The following FRY variants were observed in gnomAD, a reference collection of about 807,000 sequenced individuals.
FRY encodes protein furry homolog.
A neutral mutation model predicts 348.4 loss-of-function variants in FRY; 128 were observed. The ratio of observed to expected loss-of-function variants is 0.37; its 90% CI spans 0.32 to 0.43. The LOEUF is 0.43. FRY is among the 20% of genes least tolerant of loss of function. FRY has a pLI of 1.00. For missense variants in FRY, 2,736 were observed against 3,695.2 expected (o/e 0.74, Z 6.73); for synonymous variants, 1,370 against 1,374.7 (o/e 1.00, Z 0.08).
chr13:32,226,038 G>A, intron 39 of FRY, 64 bp downstream of exon 39: 1 of 1,435,974 alleles, frequency 7.0e-7, no homozygotes, highest in Non-Finnish European at 9.8e-7. Context: ...CTAACTGCGG[G>A]TGCCAGTGGA....
At chr13:32,086,342 C>T (rs780753117) in intron 2 of FRY, among the ~76,000 whole-genome samples, 10 of 152,204 alleles carry the variant, frequency 6.6e-5, no homozygotes, top group East Asian at 5.8e-4. Flanking sequence ...AAGTCACCTA[C>T]GTGTGATCTG....
Position 32,152,714 on chromosome 13 carries a change from A to G in FRY, c.1480-2777A>G, listed in dbSNP as rs1880871533. 3.3e-5 allele frequency among the ~76,000 whole-genome samples: 5 copies of G among 152,300 alleles called. No individual in the cohort carries two copies. In the South Asian group the frequency reaches 1.0e-3, roughly 32 times the overall value. The stretch of plus-strand genomic sequence containing the variant: ...AAGATTTTCATGACCTTCAGGTGGG[A>G]AAAAATTTCTAGGACATAAAAGTCA... On this transcript the variant is annotated intron_variant, in intron 14 of 60. Coordinates refer to ENST00000542859, the MANE Select transcript of FRY (RefSeq NM_023037.3).
At chr13:32,130,452 TTGTGTGTGTGTG>T (rs58000380) in intron 7 of FRY, among the ~76,000 whole-genome samples, 20 of 141,990 alleles carry the variant, frequency 1.4e-4, no homozygotes, top group East Asian at 6.3e-4. Context: ...TGGAAAGTGT[TTGTGTGTGTGTG>T]TGTGTGTGTG....
intron 42 of FRY, among the ~76,000 whole-genome samples, chr13:32,235,625 G>GA (rs968349433): frequency 2.6e-5 from 4 of 152,082 alleles, no homozygotes; most frequent in Admixed American, 2.0e-4. Flanking sequence ...CTCCATCTCA[G>GA]AAAAAAAGAA....
At chr13:32,235,274 G>T (rs1886159853) in intron 42 of FRY, among the ~76,000 whole-genome samples, 1 of 152,208 alleles carries the variant, frequency 6.6e-6, no homozygotes, top group Non-Finnish European at 1.5e-5. Context: ...AGCTGAACAG[G>T]TTGAGAGCTG....
At chr13:32,119,917 G>A (rs553952904) in intron 4 of FRY, among the ~76,000 whole-genome samples, 15 of 152,236 alleles carry the variant, frequency 9.9e-5, no homozygotes, top group African/African-American at 3.1e-4. Context: ...CCTTCTTAAC[G>A]CGTTCTGTCA....
intron 29 of FRY, among the ~76,000 whole-genome samples, chr13:32,199,783 A>G (rs537874193): frequency 5.3e-5 from 8 of 152,332 alleles, no homozygotes; most frequent in African/African-American, 1.9e-4. Flanking sequence ...TCATGTGTAT[A>G]ATTTCTCACT....
intron 28 of FRY, among the ~76,000 whole-genome samples, chr13:32,192,987 C>A (rs1485425970): frequency 6.6e-6 from 1 of 151,864 alleles, no homozygotes; most frequent in African/African-American, 2.4e-5. Flanking sequence ...AAGTGATGCG[C>A]CTGCCTGGGC....
At chr13:32,163,982 G>A (rs1881593563) in intron 17 of FRY, among the ~76,000 whole-genome samples, 1 of 152,104 alleles carries the variant, frequency 6.6e-6, no homozygotes, top group African/African-American at 2.4e-5. Flanking sequence ...GACTTATATG[G>A]GAAACCCATG....
intron 4 of FRY, among the ~76,000 whole-genome samples, chr13:32,123,938 G>A (rs773875054): frequency 3.9e-5 from 6 of 152,028 alleles, no homozygotes; most frequent in East Asian, 1.9e-4. Context: ...GGGTTCAGAC[G>A]ATTCTCCTGC....
intron 29 of FRY, among the ~76,000 whole-genome samples, chr13:32,198,064 ATC>A (rs1883785866): frequency 6.6e-6 from 1 of 152,014 alleles, no homozygotes; most frequent in Admixed American, 6.6e-5. Context: ...CTTATTTGAA[ATC>A]TCTCTCATTG....
Position 32,231,786 on chromosome 13 carries a change from A to G in FRY, c.5527+486A>G, listed in dbSNP as rs564456094. 2.1e-3 allele frequency among the ~76,000 whole-genome samples: 317 copies of G among 152,344 alleles called. 2 individuals carry two copies. Among genetic ancestry groups the G allele is most frequent in the Middle Eastern group, 0.014 (4 of 294 alleles). On this transcript the variant is annotated intron_variant, in intron 41 of 60. Transcript: ENST00000542859. ...AATACAGTGTGACTCCTTTAGCATTATGATACTTAAGTGTTTGCCTTCTGC... is the reference window on the plus strand; with the variant it reads ...AATACAGTGTGACTCCTTTAGCATTGTGATACTTAAGTGTTTGCCTTCTGC...
intron 58 of FRY, 44 bp from the exon 59 acceptor site, chr13:32,289,589 T>C: frequency 8.6e-7 from 1 of 1,163,778 alleles, no homozygotes; most frequent in African/African-American, 1.5e-5. Context: ...ATGTGAATGA[T>C]CTTTAACAAT....
rs1043527596 is a variant in FRY at position 32,202,265 on chromosome 13, G to A, written c.3847-91G>A. The A allele has an allele frequency of 4.0e-6, 4 of 1,011,564 alleles. No homozygotes were observed. The African/African-American group carries it at 6.4e-5, about 16-fold the overall frequency. 62.7% of individuals were successfully genotyped at this position (1,011,564 alleles called of 1,614,324 possible). On this transcript the variant is annotated intron_variant, in intron 30 of 60. Transcript: ENST00000542859. Reference sequence around the variant, plus strand: ...TTTTAAATGGGAATTAATTAATTTTGTTACTTCTAACCTTTGTTAAATACA... The same window carrying A: ...TTTTAAATGGGAATTAATTAATTTTATTACTTCTAACCTTTGTTAAATACA...
chr13:32,222,371 G>A (rs1362935299), intron 36 of FRY, among the ~76,000 whole-genome samples: 1 of 152,154 alleles, frequency 6.6e-6, no homozygotes, highest in African/African-American at 2.4e-5. Context: ...GCTGGAGGGT[G>A]TTGAGCAGAG....
At chr13:32,255,912 A>G (rs1048476278) in intron 51 of FRY, among the ~76,000 whole-genome samples, 1 of 152,214 alleles carries the variant, frequency 6.6e-6, no homozygotes, top group Non-Finnish European at 1.5e-5. Context: ...TGGAAGTTAT[A>G]CAAGGGAGGG....
At chr13:32,221,576 G>A (rs1057431212) in intron 36 of FRY, among the ~76,000 whole-genome samples, 5 of 152,294 alleles carry the variant, frequency 3.3e-5, no homozygotes, top group Middle Eastern at 6.8e-3. Flanking sequence ...GCAATGTCAC[G>A]ATCTTGGCTC....
chr13:32,211,019 T>C lies in FRY; in HGVS notation c.4576T>C (p.Ser1526Pro), dbSNP rs1415835774. ...CCGCTTCACGGCCAGTAGCAAGGCTTCCGCAGCAGCCTCAGGTAAGAAGAG... is the reference window on the plus strand; with the variant it reads ...CCGCTTCACGGCCAGTAGCAAGGCTCCCGCAGCAGCCTCAGGTAAGAAGAG... ...FYRFTASSKASAAASGTTSSS... is the reference protein window; with the variant it reads ...FYRFTASSKAPAAASGTTSSS... The change falls in exon 34 of 61, where the codon TCC becomes CCC. Residue 1526 changes from serine (S) to proline (P), a missense_variant. By Grantham distance (74) the Ser-to-Pro change is moderately conservative. Transcript: ENST00000542859. 2 of 1,613,874 alleles carry C rather than the reference T, an allele frequency of 1.2e-6. No homozygotes were observed. The highest frequency in any genetic ancestry group is 1.7e-5 in the Admixed American group (1 of 59,998).
intron 28 of FRY, among the ~76,000 whole-genome samples, chr13:32,192,381 C>T (rs1227736601): frequency 6.6e-6 from 1 of 152,120 alleles, no homozygotes; most frequent in African/African-American, 2.4e-5. Flanking sequence ...GGCGCGATCT[C>T]GGCTCACTGC....
Sources: gnomAD v4.1 joint callset for allele counts (sites outside exome capture counted in the v4.1 genomes callset) on GRCh38, gnomAD v4.1.1 for gene constraint, MANE v1.5 for transcripts, NCBI Gene and HGNC (gene_info 2026-07-23, HGNC 2026-07-21) for gene names.